CELF4: variants seen among roughly 807,000 people sequenced by gnomAD.
The protein encoded by CELF4 is CUGBP Elav-like family member 4.
Under a neutral mutation model 59.9 loss-of-function variants are expected in CELF4, and 18 were observed. The observed-to-expected ratio is 0.30, with a 90% CI of 0.21 to 0.45. The LOEUF is 0.45. CELF4 is among the 20% of genes least tolerant of loss of function. The pLI is 1.00. For synonymous variants in CELF4, 261 were observed against 267.1 expected (o/e 0.98, Z 0.22); for missense variants, 456 against 689.0 (o/e 0.66, Z 3.79).
At chr18:37,527,469 T>G (rs1348475725) in intron 1 of CELF4, among the ~76,000 whole-genome samples, 1 of 152,118 alleles carries the variant, frequency 6.6e-6, no homozygotes. Context: ...TTACGTGTAG[T>G]AAACTCCCCA....
chr18:37,356,648 G>A (rs1160442615), intron 2 of CELF4, among the ~76,000 whole-genome samples: 1 of 152,206 alleles, frequency 6.6e-6, no homozygotes, highest in Non-Finnish European at 1.5e-5. Context: ...CAACGAAGGG[G>A]CCCTCCTGGG....
intron 2 of CELF4, among the ~76,000 whole-genome samples, chr18:37,374,282 C>T (rs538040174): frequency 1.3e-5 from 2 of 152,360 alleles, no homozygotes; most frequent in South Asian, 4.1e-4. Flanking sequence ...GAGCCCTGCA[C>T]CCAGCGAGTT....
Position 37,447,490 on chromosome 18 carries a change from G to A in CELF4, c.369+38035C>T, listed in dbSNP as rs2099751305. Among the ~76,000 whole-genome samples, 7 of 152,316 alleles carry A rather than the reference G, an allele frequency of 4.6e-5. No homozygotes were observed. In the South Asian group the frequency reaches 1.5e-3, roughly 32 times the overall value. On this transcript the variant is annotated intron_variant, in intron 2 of 12. Transcript: ENST00000420428. ...TTTACCACCCCTTCCAATCCCCATT[G>A]ACCCGAACTGGGCCTTCCTCTCCTG...
intron 1 of CELF4, among the ~76,000 whole-genome samples, chr18:37,487,001 T>G (rs2099882623): frequency 6.6e-6 from 1 of 152,228 alleles, no homozygotes; most frequent in Non-Finnish European, 1.5e-5. Flanking sequence ...CCATGGCCAT[T>G]TATTTCCTGA....
In CELF4 at chr18:37,245,558, A is replaced by T. The variant is rs2061729482; in HGVS notation, c.*45-361T>A. Reference sequence around the variant, plus strand: ...TCATAATTAAACTTGTCTCTGAGGGATCTAGCCCAGATACAATATGTATAC... The same window carrying T: ...TCATAATTAAACTTGTCTCTGAGGGTTCTAGCCCAGATACAATATGTATAC... On this transcript the variant is annotated intron_variant, in intron 12 of 12. Coordinates refer to ENST00000420428, the MANE Select transcript of CELF4 (RefSeq NM_020180.4). This position sits in a 1 kb window ranked among gnomAD's most constrained non-coding sequence, Gnocchi z 4.1. Among the ~76,000 whole-genome samples, 1 of 151,954 alleles carries T rather than the reference A, an allele frequency of 6.6e-6. No homozygotes were observed. The highest frequency in any genetic ancestry group is 2.1e-4 in the South Asian group (1 of 4,806).
intron 1 of CELF4, among the ~76,000 whole-genome samples, chr18:37,497,550 G>A (rs1390609200): frequency 3.3e-5 from 5 of 152,018 alleles, no homozygotes; most frequent in Admixed American, 3.3e-4. Context: ...TATTCAGGAG[G>A]CTGAGACAGG....
Position 37,274,887 on chromosome 18 carries a change from G to T in CELF4, c.578-3C>A. 1 of 1,605,452 alleles carries T rather than the reference G, an allele frequency of 6.2e-7. No individual in the cohort carries two copies. On this transcript the variant is annotated splice_polypyrimidine_tract_variant and splice_region_variant and intron_variant, in intron 4 of 12. Coordinates refer to ENST00000420428, the MANE Select transcript of CELF4 (RefSeq NM_020180.4). ...GGAGTACTTCACAAAGGCGCACCCT[G>T]CGAGGACGCGAGAGGCCGAGCTGGG...
rs535323078 is a variant in CELF4, at chr18:37,249,034, C to G, written c.*45-3837G>C. Among the ~76,000 whole-genome samples, 3 of 152,254 alleles carry G rather than the reference C, an allele frequency of 2.0e-5. No individual in the cohort carries two copies. The East Asian group carries it at 5.8e-4, about 29-fold the overall frequency. On this transcript the variant is annotated intron_variant, in intron 12 of 12. Transcript: ENST00000420428. ...GGGGCAAAGAAGCTGAGCCCAAGCCCGGCCTCCAGCTCAACCTTCACAGAA... is the reference window on the plus strand; with the variant it reads ...GGGGCAAAGAAGCTGAGCCCAAGCCGGGCCTCCAGCTCAACCTTCACAGAA...
Position 37,360,465 on chromosome 18 carries a change from C to T in CELF4, c.370-38584G>A, listed in dbSNP as rs555930481. ...GTGGGGGGATCCCCAGTTAATAACA[C>T]GAGTGAGCACTTACTGTGTGCCAAG... On this transcript the variant is annotated intron_variant, in intron 2 of 12. Transcript: ENST00000420428. 1.7e-3 allele frequency among the ~76,000 whole-genome samples: 259 copies of T among 152,346 alleles called. 2 individuals carry two copies. Among genetic ancestry groups the T allele is most frequent in the African/African-American group, 6.0e-3 (250 of 41,586 alleles).
chr18:37,259,056 C>A (rs1043028588), intron 11 of CELF4, 125 bp downstream of exon 11: 1 of 1,486,976 alleles, frequency 6.7e-7, no homozygotes, highest in Non-Finnish European at 9.1e-7. Context: ...AGTCGGACAC[C>A]GGTAGGTTGG....
At chr18:37,397,673 G>A (rs1027014348) in intron 2 of CELF4, among the ~76,000 whole-genome samples, 5 of 152,244 alleles carry the variant, frequency 3.3e-5, no homozygotes, top group Admixed American at 6.5e-5. Flanking sequence ...CATGCCTGAC[G>A]GATGACCAGC....
chr18:37,418,621 A>C (rs2099548218), intron 2 of CELF4, among the ~76,000 whole-genome samples: 1 of 152,262 alleles, frequency 6.6e-6, no homozygotes, highest in Admixed American at 6.5e-5. Context: ...AGTGTGACCT[A>C]GGTCAAGTCA....
At chr18:37,433,038 C>G (rs1189642071) in intron 2 of CELF4, among the ~76,000 whole-genome samples, 1 of 152,154 alleles carries the variant, frequency 6.6e-6, no homozygotes, top group East Asian at 1.9e-4. Flanking sequence ...CAACATGATA[C>G]AAAACCAATG....
intron 1 of CELF4, among the ~76,000 whole-genome samples, chr18:37,523,785 G>C (rs574094400): frequency 6.6e-6 from 1 of 152,140 alleles, no homozygotes; most frequent in Non-Finnish European, 1.5e-5. Context: ...TGAAACTTGA[G>C]TCTCTACACT....
chr18:37,288,895 T>G (rs780941139), intron 3 of CELF4, among the ~76,000 whole-genome samples: 2 of 152,160 alleles, frequency 1.3e-5, no homozygotes, highest in Non-Finnish European at 2.9e-5. Context: ...ATATTGCCTC[T>G]TAAGGGTGGC....
chr18:37,357,638 C>T (rs1208573807), intron 2 of CELF4, among the ~76,000 whole-genome samples: 2 of 152,140 alleles, frequency 1.3e-5, no homozygotes, highest in Non-Finnish European at 2.9e-5. Context: ...GGTAGATCCA[C>T]CAACAGCTTG....
At chr18:37,446,460 T>C (rs1423105198) in intron 2 of CELF4, among the ~76,000 whole-genome samples, 1 of 152,058 alleles carries the variant, frequency 6.6e-6, no homozygotes, top group African/African-American at 2.4e-5. Flanking sequence ...CAGGTTCATA[T>C]TTGAGTCCTG....
At chr18:37,380,097 T>C (rs952582878) in intron 2 of CELF4, among the ~76,000 whole-genome samples, 1 of 152,146 alleles carries the variant, frequency 6.6e-6, no homozygotes, top group Admixed American at 6.5e-5. Context: ...TTGTCCTGTA[T>C]TTGATTTGAA....
intron 2 of CELF4, among the ~76,000 whole-genome samples, chr18:37,410,532 G>A (rs1165008029): frequency 2.0e-5 from 3 of 152,238 alleles, no homozygotes; most frequent in Non-Finnish European, 2.9e-5. Context: ...TCGTGTGTGC[G>A]TGTGGGCATC....
Sources: gnomAD v4.1 joint callset for allele counts (sites outside exome capture counted in the v4.1 genomes callset) on GRCh38, gnomAD v4.1.1 for gene constraint, Gnocchi (gnomAD v3.1) non-coding constraint, MANE v1.5 for transcripts, NCBI Gene and HGNC (gene_info 2026-07-23, HGNC 2026-07-21) for gene names.